SATB2: variants seen among roughly 807,000 people sequenced by gnomAD.
The protein encoded by SATB2 is SATB homeobox 2.
A neutral mutation model predicts 73.4 loss-of-function variants in SATB2; 1 was observed. The observed-to-expected ratio is 0.01, with a 90% confidence interval of 0.00 to 0.06. The LOEUF (loss-of-function observed/expected upper bound fraction) is 0.06, where lower values mean the gene tolerates loss of function less well. Among genes scored for constraint, SATB2 ranks in the 10% least tolerant of loss-of-function variants. The probability of loss-of-function intolerance (pLI) is 1.00; values close to 1 mark genes in which losing one functional copy is unlikely to be tolerated. For synonymous variants in SATB2, 397 were observed against 367.0 expected (o/e 1.08, Z -0.93); for missense variants, 459 against 945.8 (o/e 0.49, Z 6.75).
chr2:199,459,236 C>T (rs1692402529), upstream of SATB2, among the ~76,000 whole-genome samples: 1 of 151,940 alleles, frequency 6.6e-6, no homozygotes, highest in Admixed American at 6.5e-5. The surrounding 1 kb of genome is among the most constrained non-coding windows in gnomAD (Gnocchi z 4.2). Flanking sequence ...AGGACCCGGC[C>T]TCCCCGCCCG....
chr2:199,314,030 C>A (rs1687663632), intron 9 of SATB2, among the ~76,000 whole-genome samples: 1 of 152,182 alleles, frequency 6.6e-6, no homozygotes, highest in Non-Finnish European at 1.5e-5. Context: ...AGAAGCTGTA[C>A]TTCAAGGCTC....
At chr2:199,418,249 C>T (rs942335808) in intron 3 of SATB2, among the ~76,000 whole-genome samples, 2 of 152,122 alleles carry the variant, frequency 1.3e-5, no homozygotes, top group African/African-American at 4.8e-5. Context: ...AAGTGGGGAG[C>T]ACCAAGATGA....
chr2:199,382,599 G>A (rs1398492706), intron 3 of SATB2, among the ~76,000 whole-genome samples: 1 of 152,202 alleles, frequency 6.6e-6, no homozygotes, highest in Non-Finnish European at 1.5e-5. Context: ...GTTAGAGGAA[G>A]ATTCATGGGA....
intron 10 of SATB2, among the ~76,000 whole-genome samples, chr2:199,290,258 T>G (rs1020310322): frequency 2.0e-5 from 3 of 152,270 alleles, no homozygotes; most frequent in Admixed American, 6.5e-5. Context: ...CATGCCCCTT[T>G]TGTGCTTTTC....
At chr2:199,386,410 G>C (rs1689933855) in intron 3 of SATB2, among the ~76,000 whole-genome samples, 1 of 152,134 alleles carries the variant, frequency 6.6e-6, no homozygotes, top group Admixed American at 6.6e-5. Context: ...AATTCAGGTA[G>C]GTATGTCTAG....
chr2:199,383,358 C>G (rs1420611692), intron 3 of SATB2, among the ~76,000 whole-genome samples: 2 of 152,174 alleles, frequency 1.3e-5, no homozygotes, highest in African/African-American at 4.8e-5. Context: ...AATGAACATC[C>G]AGGGCCCACT....
chr2:199,446,834 G>A (rs1396050747), intron 2 of SATB2, among the ~76,000 whole-genome samples: 1 of 152,134 alleles, frequency 6.6e-6, no homozygotes, highest in African/African-American at 2.4e-5. Context: ...GAAATTATGA[G>A]ACCTCCACCA....
At chr2:199,470,951 C>T (rs1175987617) in intron 1 of SATB2, 3 of 152,464 alleles carry the variant, frequency 2.0e-5, no homozygotes, top group Admixed American at 1.3e-4. Context: ...GCTGCTCTGA[C>T]CCAAGACGCG....
intron 10 of SATB2, among the ~76,000 whole-genome samples, chr2:199,276,354 T>C (rs1008687782): frequency 6.6e-6 from 1 of 152,210 alleles, no homozygotes; most frequent in Non-Finnish European, 1.5e-5. Flanking sequence ...TATTTCGATT[T>C]GGTGTTTTGT....
chr2:199,318,066 G>C (rs981125309), intron 9 of SATB2, among the ~76,000 whole-genome samples: 2 of 151,912 alleles, frequency 1.3e-5, no homozygotes, highest in African/African-American at 4.8e-5. Flanking sequence ...AAGCTACCTG[G>C]CAGCTACTCA....
At chr2:199,451,613 A>G (rs1033128478) in intron 2 of SATB2, among the ~76,000 whole-genome samples, 2 of 152,084 alleles carry the variant, frequency 1.3e-5, no homozygotes, top group African/African-American at 4.8e-5. Context: ...CTCAATATAT[A>G]CCTATCTATA....
At chr2:199,388,638 C>T (rs1690030013) in intron 3 of SATB2, among the ~76,000 whole-genome samples, 1 of 151,908 alleles carries the variant, frequency 6.6e-6, no homozygotes, top group Non-Finnish European at 1.5e-5. Flanking sequence ...TGCATTTTAA[C>T]ATTAATTTTT....
At chr2:199,280,430 G>A (rs1331397705) in intron 10 of SATB2, among the ~76,000 whole-genome samples, 1 of 152,148 alleles carries the variant, frequency 6.6e-6, no homozygotes, top group Non-Finnish European at 1.5e-5. Flanking sequence ...AATGTTCAGG[G>A]AACAAGAGAG....
chr2:199,413,045 T>C (rs1211248052), intron 3 of SATB2, among the ~76,000 whole-genome samples: 4 of 152,242 alleles, frequency 2.6e-5, no homozygotes, highest in African/African-American at 9.6e-5. Flanking sequence ...GAATTTTTTT[T>C]AGCTAATATA....
chr2:199,466,428 A>G (rs1692594249), upstream of SATB2, among the ~76,000 whole-genome samples: 1 of 152,038 alleles, frequency 6.6e-6, no homozygotes. Context: ...AGTTGTTGCT[A>G]TCTCTGAGCT....
At chr2:199,282,941 A>G (rs1227536726) in intron 10 of SATB2, among the ~76,000 whole-genome samples, 1 of 152,184 alleles carries the variant, frequency 6.6e-6, no homozygotes, top group African/African-American at 2.4e-5. Flanking sequence ...TTAAGGTGAC[A>G]CCTTCTATAC....
intron 3 of SATB2, among the ~76,000 whole-genome samples, chr2:199,429,864 C>T (rs183061661): frequency 1.3e-5 from 2 of 152,308 alleles, no homozygotes; most frequent in African/African-American, 2.4e-5. Flanking sequence ...GAGCCAAGAT[C>T]GTGCCCCTGC....
At chr2:199,438,065 C>T (rs1025306457) in intron 2 of SATB2, among the ~76,000 whole-genome samples, 14 of 151,604 alleles carry the variant, frequency 9.2e-5, no homozygotes, top group African/African-American at 2.9e-4. Context: ...TGAGATGTGT[C>T]GTAAGTATAC....
At chr2:199,324,977 C>T (rs762124001) in intron 8 of SATB2, among the ~76,000 whole-genome samples, 3 of 152,154 alleles carry the variant, frequency 2.0e-5, no homozygotes, top group Non-Finnish European at 4.4e-5. Context: ...TGTGCGGATG[C>T]CCTGAGCTGT....
Sources: allele counts gnomAD v4.1 joint callset (sites outside exome capture counted in the v4.1 genomes callset), GRCh38; gene constraint gnomAD v4.1.1; non-coding constraint Gnocchi (gnomAD v3.1); transcripts MANE v1.5; gene names NCBI Gene and HGNC (gene_info 2026-07-23, HGNC 2026-07-21).